The following DOCK4 variants were observed in gnomAD, a reference collection of about 807,000 sequenced individuals.
The protein encoded by DOCK4 is dedicator of cytokinesis 4, also known as dedicator of cytokinesis protein 4.
A neutral mutation model predicts 268.1 loss-of-function variants in DOCK4; 97 were observed. That is an observed-to-expected ratio of 0.36 (90% CI 0.31 to 0.43). The LOEUF (loss-of-function observed/expected upper bound fraction) is 0.43, where lower values mean the gene tolerates loss of function less well. Ranked by LOEUF, DOCK4 falls within the 20% of genes least tolerant of loss-of-function variation. The pLI, the probability that DOCK4 is intolerant of heterozygous loss-of-function variation, is 1.00. For synonymous variants in DOCK4, 954 were observed against 887.2 expected (o/e 1.08, Z -1.34); for missense variants, 2,145 against 2,455.7 (o/e 0.87, Z 2.67).
Position 111,869,682 on chromosome 7 carries a change from A to G in DOCK4, c.2028-27T>C, listed in dbSNP as rs183502566. The G allele has an allele frequency of 3.7e-6, 6 of 1,601,134 alleles. No individual in the cohort carries two copies. In the Admixed American group the frequency reaches 1.0e-4, roughly 27 times the overall value. On this transcript the variant is annotated intron_variant, in intron 20 of 52. Transcript: ENST00000428084. ...TAAAATACAGGGGAAAATGTGCAGA[A>G]TGTAAAATTGGTCTAATTCTCAATT...
intron 5 of DOCK4, among the ~76,000 whole-genome samples, chr7:111,991,417 T>G (rs1799513616): frequency 6.6e-6 from 1 of 152,220 alleles, no homozygotes; most frequent in Non-Finnish European, 1.5e-5. Flanking sequence ...AAAATGCTTT[T>G]GATTTAATGC....
chr7:111,928,973 A>G (rs998599765), intron 12 of DOCK4, among the ~76,000 whole-genome samples: 1 of 152,218 alleles, frequency 6.6e-6, no homozygotes, highest in African/African-American at 2.4e-5. Flanking sequence ...TATTATATCA[A>G]TGTTAACATT....
At chr7:111,915,175 G>A (rs557362640) in intron 13 of DOCK4, among the ~76,000 whole-genome samples, 18 of 152,246 alleles carry the variant, frequency 1.2e-4, no homozygotes, top group African/African-American at 3.1e-4. Context: ...ACTCCCAAAT[G>A]CATCAGCTTC....
chr7:111,847,435 G>A (rs577333958), intron 23 of DOCK4, among the ~76,000 whole-genome samples: 72 of 151,182 alleles, frequency 4.8e-4, no homozygotes, highest in African/African-American at 1.6e-3. Context: ...AAGATAGATC[G>A]CCTACTGACT....
chr7:111,760,983 T>A (rs1208911213), intron 39 of DOCK4, among the ~76,000 whole-genome samples: 1 of 152,138 alleles, frequency 6.6e-6, no homozygotes, highest in African/African-American at 2.4e-5. Flanking sequence ...CATGTCTTAT[T>A]TAACTCATAT....
intron 51 of DOCK4, 199 bp from the exon 52 acceptor site, chr7:111,732,486 A>G (rs1795170621): frequency 5.0e-6 from 3 of 598,928 alleles, no homozygotes; most frequent in South Asian, 4.0e-5. Flanking sequence ...CACTGCCAAG[A>G]TATGGGAGCA....
chr7:111,739,670 C>T (rs1585835825), intron 47 of DOCK4, 193 bp from the exon 48 acceptor site: 1 of 588,282 alleles, frequency 1.7e-6, no homozygotes, highest in Non-Finnish European at 3.0e-6. Context: ...ATTTTGACTC[C>T]TGCCAAAGGA....
intron 49 of DOCK4, among the ~76,000 whole-genome samples, chr7:111,737,365 G>A (rs1161777871): frequency 6.6e-6 from 1 of 152,028 alleles, no homozygotes; most frequent in Non-Finnish European, 1.5e-5. Flanking sequence ...GGCTCAAGCA[G>A]TCCTTCCAAC....
intron 7 of DOCK4, among the ~76,000 whole-genome samples, chr7:111,983,852 G>GCACACACACACACACACACA (rs1271174357): frequency 2.5e-5 from 2 of 79,594 alleles, no homozygotes; most frequent in East Asian, 2.8e-4. Flanking sequence ...ACACGCGCGC[G>GCACACACACACACACACACA]CGCGCGCGCG....
intron 8 of DOCK4, among the ~76,000 whole-genome samples, chr7:111,954,344 T>C (rs557408904): frequency 6.6e-6 from 1 of 152,240 alleles, no homozygotes; most frequent in African/African-American, 2.4e-5. Context: ...TGCTGGCAGT[T>C]CTGCAGTGGC....
At chr7:111,737,015 T>C in intron 49 of DOCK4, 26 bp from the exon 50 acceptor site, 1 of 1,580,196 alleles carries the variant, frequency 6.3e-7, no homozygotes, top group East Asian at 2.3e-5. Flanking sequence ...GGTTGATTTT[T>C]ATGATGTGAT....
At chr7:112,181,617 G>A (rs542068678) in intron 1 of DOCK4, among the ~76,000 whole-genome samples, 61 of 110,790 alleles carry the variant, frequency 5.5e-4, no homozygotes, top group African/African-American at 2.1e-3. Context: ...TCCAGCCTGA[G>A]CAACAGAGTA....
chr7:112,094,501 T>C (rs1274226621), intron 1 of DOCK4, among the ~76,000 whole-genome samples: 1 of 152,234 alleles, frequency 6.6e-6, no homozygotes, highest in Non-Finnish European at 1.5e-5. Context: ...ACCAACTTAG[T>C]TGTAGCAAAC....
At chr7:111,771,454 T>C (rs780226182) in intron 36 of DOCK4, among the ~76,000 whole-genome samples, 4 of 152,158 alleles carry the variant, frequency 2.6e-5, no homozygotes, top group Non-Finnish European at 4.4e-5. Flanking sequence ...CTTAATGGGA[T>C]TGAACGTGAG....
chr7:112,130,219 G>A (rs1255587049), intron 1 of DOCK4, among the ~76,000 whole-genome samples: 1 of 152,148 alleles, frequency 6.6e-6, no homozygotes, highest in African/African-American at 2.4e-5. Context: ...GAGGACGGGG[G>A]CTGTGTGACA....
intron 26 of DOCK4, among the ~76,000 whole-genome samples, chr7:111,825,075 TG>T (rs1228963834): frequency 6.6e-6 from 1 of 152,176 alleles, no homozygotes; most frequent in Non-Finnish European, 1.5e-5. Flanking sequence ...TTAACCTCTC[TG>T]GGAGTGAGTT....
At chr7:112,193,571 C>A (rs757472881) in intron 1 of DOCK4, among the ~76,000 whole-genome samples, 10 of 149,824 alleles carry the variant, frequency 6.7e-5, no homozygotes, top group Non-Finnish European at 1.5e-4. Flanking sequence ...TGCATTCCAG[C>A]CTGAGCGACA....
At chr7:111,917,302 A>G (rs890667778) in intron 12 of DOCK4, among the ~76,000 whole-genome samples, 4 of 152,032 alleles carry the variant, frequency 2.6e-5, no homozygotes, top group Non-Finnish European at 5.9e-5. Flanking sequence ...CTTTAAAATA[A>G]GAAGGACAAA....
intron 13 of DOCK4, among the ~76,000 whole-genome samples, chr7:111,905,735 CA>C (rs1264614229): frequency 6.6e-6 from 1 of 151,806 alleles, no homozygotes; most frequent in Non-Finnish European, 1.5e-5. Context: ...TATACACACA[CA>C]CACAAGCTGG....
Sources: gnomAD v4.1 joint callset for allele counts (sites outside exome capture counted in the v4.1 genomes callset) on GRCh38, gnomAD v4.1.1 for gene constraint, MANE v1.5 for transcripts, NCBI Gene and HGNC (gene_info 2026-07-23, HGNC 2026-07-21) for gene names.